SPTSSA: variants seen among roughly 807,000 people sequenced by gnomAD.
SPTSSA encodes the protein serine palmitoyltransferase small subunit A.
Under a neutral mutation model 9.1 loss-of-function variants are expected in SPTSSA, and 8 were observed. The ratio of observed to expected loss-of-function variants is 0.88; its 90% CI spans 0.51 to 1.58. The LOEUF is 1.58. SPTSSA is among the 40% of genes most tolerant of loss of function. SPTSSA has a pLI of 0.00. For synonymous variants in SPTSSA, 42 were observed against 37.7 expected (o/e 1.11, Z -0.41); for missense variants, 100 against 93.8 (o/e 1.07, Z -0.27).
chr14:34,455,160 G>A (rs939858641), intron 1 of SPTSSA, among the ~76,000 whole-genome samples: 4 of 151,430 alleles, frequency 2.6e-5, no homozygotes, highest in African/African-American at 9.7e-5. Flanking sequence ...GGCCGAGGTG[G>A]GCGGATCACG....
At position 34,434,353 on chromosome 14, in the gene SPTSSA, G is replaced by C. The variant is rs1357790134; in HGVS notation, c.*848C>G. ...TAACTTAATGCAATGTGCAAATGCAGCACCCATTACAATCATTAAACTAAA... is the reference window on the plus strand; with the variant it reads ...TAACTTAATGCAATGTGCAAATGCACCACCCATTACAATCATTAAACTAAA... On this transcript the variant is annotated 3_prime_UTR_variant, in exon 2 of 2. Transcript: ENST00000298130. 1 of 152,574 alleles carries C rather than the reference G, an allele frequency of 6.6e-6. No homozygotes were observed. Among genetic ancestry groups the C allele is most frequent in the Admixed American group, 6.5e-5 (1 of 15,270 alleles). The allele number at this position is 152,574 out of a possible 1,614,324, so 9.5% of individuals were successfully genotyped here.
intron 1 of SPTSSA, among the ~76,000 whole-genome samples, chr14:34,459,242 G>C (rs1366500793): frequency 6.6e-6 from 1 of 151,564 alleles, no homozygotes; most frequent in Non-Finnish European, 1.5e-5. Flanking sequence ...AGACCAGACT[G>C]GCCAACATGG....
intron 1 of SPTSSA, among the ~76,000 whole-genome samples, chr14:34,450,187 G>A (rs1883495063): frequency 6.6e-6 from 1 of 152,154 alleles, no homozygotes; most frequent in Admixed American, 6.5e-5. Context: ...TTCTTTGAGG[G>A]TTTGAGCATT....
At chr14:34,441,169 T>A (rs759602154) in intron 1 of SPTSSA, among the ~76,000 whole-genome samples, 2 of 152,014 alleles carry the variant, frequency 1.3e-5, no homozygotes, top group Non-Finnish European at 1.5e-5. Flanking sequence ...ATCCCAACAC[T>A]TTGGGAACTC....
At chr14:34,455,096 AAAAAATAGGAGCC>A (rs996425418) in intron 1 of SPTSSA, among the ~76,000 whole-genome samples, 1 of 151,796 alleles carries the variant, frequency 6.6e-6, no homozygotes, top group African/African-American at 2.4e-5. Flanking sequence ...TGAGAAAAAA[AAAAAATAGGAGCC>A]GGGCTAGGTG....
At chr14:34,439,836 A>G (rs1345076918) in intron 1 of SPTSSA, among the ~76,000 whole-genome samples, 1 of 152,194 alleles carries the variant, frequency 6.6e-6, no homozygotes, top group East Asian at 1.9e-4. Flanking sequence ...TCCAACTCCA[A>G]GTATCTGTGT....
At chr14:34,461,378 C>T (rs1878611976) in intron 1 of SPTSSA, among the ~76,000 whole-genome samples, 1 of 151,988 alleles carries the variant, frequency 6.6e-6, no homozygotes, top group South Asian at 2.1e-4. Flanking sequence ...AAATGCTTTG[C>T]TTATAGTAAC....
intron 1 of SPTSSA, among the ~76,000 whole-genome samples, chr14:34,453,139 A>G (rs184302776): frequency 2.5e-4 from 38 of 152,314 alleles, no homozygotes; most frequent in African/African-American, 8.4e-4. Flanking sequence ...TCAAAAGTAG[A>G]CTATTAGTAA....
intron 1 of SPTSSA, 119 bp downstream of exon 1, chr14:34,461,977 G>T: frequency 1.9e-6 from 1 of 538,146 alleles, no homozygotes; most frequent in Non-Finnish European, 2.3e-6. Context: ...CGGCTTCCGC[G>T]CACAGGACCG....
chr14:34,445,636 T>G (rs1883407837), intron 1 of SPTSSA, among the ~76,000 whole-genome samples: 1 of 152,256 alleles, frequency 6.6e-6, no homozygotes. Flanking sequence ...GCTCTCTGGA[T>G]GTATCAGAGG....
Position 34,440,653 on chromosome 14 carries a change from G to A in SPTSSA, c.113-5349C>T, listed in dbSNP as rs149138261. 7.4e-3 allele frequency among the ~76,000 whole-genome samples: 1,132 copies of A among 152,170 alleles called. 17 individuals are homozygous for A. Among genetic ancestry groups the A allele is most frequent in the African/African-American group, 0.026 (1,065 of 41,518 alleles). ...TCCCAGCACTTTGGGAGGCCGAGGC[G>A]GGTGGATCACCTGAGGTCGGGAGAT... On this transcript the variant is annotated intron_variant, in intron 1 of 1. Transcript: ENST00000298130.
At chr14:34,446,899 T>C (rs1883430913) in intron 1 of SPTSSA, among the ~76,000 whole-genome samples, 1 of 152,074 alleles carries the variant, frequency 6.6e-6, no homozygotes, top group African/African-American at 2.4e-5. Flanking sequence ...ATGCAGGTTA[T>C]AAAAATTCAG....
At chr14:34,461,574 C>T (rs1304943209) in intron 1 of SPTSSA, among the ~76,000 whole-genome samples, 3 of 152,208 alleles carry the variant, frequency 2.0e-5, no homozygotes, top group African/African-American at 7.2e-5. Context: ...ACTTAAACTG[C>T]TTTCAAAAAC....
At chr14:34,442,217 C>T (rs953393409) in intron 1 of SPTSSA, among the ~76,000 whole-genome samples, 3 of 152,094 alleles carry the variant, frequency 2.0e-5, no homozygotes, top group African/African-American at 4.8e-5. Context: ...TTATCTTTTC[C>T]GCACACGGTC....
chr14:34,450,202 A>T (rs902877134), intron 1 of SPTSSA, among the ~76,000 whole-genome samples: 1 of 152,184 alleles, frequency 6.6e-6, no homozygotes, highest in Admixed American at 6.5e-5. Context: ...AGCATTTAAC[A>T]TCATGACTGT....
At chr14:34,443,395 T>TGTGTGTG (rs1414328863) in intron 1 of SPTSSA, among the ~76,000 whole-genome samples, 36 of 19,116 alleles carry the variant, frequency 1.9e-3, no homozygotes, top group South Asian at 3.6e-3. Context: ...TGTGTGTGTG[T>TGTGTGTG]TTTGAGATGG....
chr14:34,460,183 A>C (rs1327986168), intron 1 of SPTSSA, among the ~76,000 whole-genome samples: 1 of 152,228 alleles, frequency 6.6e-6, no homozygotes. Context: ...GGAAAAATAT[A>C]AATACAACAG....
chr14:34,436,600 C>CT lies in SPTSSA; in HGVS notation c.113-1297dup, dbSNP rs1331665029. Among the ~76,000 whole-genome samples, 5 of 152,190 alleles carry CT rather than the reference C, an allele frequency of 3.3e-5. No individual in the cohort carries two copies. In the East Asian group the frequency reaches 9.6e-4, roughly 29 times the overall value. The stretch of plus-strand genomic sequence containing the variant: ...AGGGTTTAAATAAACAATGTGCTTA[C>CT]TATCAACTAATATTTGTATAACAGG... On this transcript the variant is annotated intron_variant, in intron 1 of 1. Transcript: ENST00000298130.
At chr14:34,459,323 G>A (rs1409440543) in intron 1 of SPTSSA, among the ~76,000 whole-genome samples, 1 of 150,778 alleles carries the variant, frequency 6.6e-6, no homozygotes, top group Non-Finnish European at 1.5e-5. Flanking sequence ...GCTGGGCGTG[G>A]TGGTGGGCAC....
Sources: allele counts gnomAD v4.1 joint callset (sites outside exome capture counted in the v4.1 genomes callset), GRCh38; gene constraint gnomAD v4.1.1; transcripts MANE v1.5; gene names NCBI Gene and HGNC (gene_info 2026-07-23, HGNC 2026-07-21).